ST3GAL3: variants seen among roughly 807,000 people sequenced by gnomAD.
ST3GAL3 encodes CMP-N-acetylneuraminate-beta-1,4-galactoside alpha-2,3-sialyltransferase.
A neutral mutation model predicts 50.1 loss-of-function variants in ST3GAL3; 21 were observed. That is an observed-to-expected ratio of 0.42 (90% CI 0.30 to 0.60). ST3GAL3 has a LOEUF of 0.60. ST3GAL3 is among the 20% of genes least tolerant of loss of function. ST3GAL3 has a pLI of 0.19. For synonymous variants in ST3GAL3, 183 were observed against 190.0 expected (o/e 0.96, Z 0.30); for missense variants, 353 against 489.4 (o/e 0.72, Z 2.63).
At chr1:43,892,661 GAAA>G (rs531252185) in intron 5 of ST3GAL3, among the ~76,000 whole-genome samples, 1 of 150,142 alleles carries the variant, frequency 6.7e-6, no homozygotes, top group Non-Finnish European at 1.5e-5. Flanking sequence ...GAGGAAAAGG[GAAA>G]AAAAAATGTC....
intron 2 of ST3GAL3, chr1:43,772,087 C>T (rs894917365): frequency 2.3e-5 from 9 of 395,392 alleles, no homozygotes; most frequent in South Asian, 1.3e-4. Context: ...ACAAGTTTCA[C>T]TCTTGTTGCT....
intron 5 of ST3GAL3, among the ~76,000 whole-genome samples, chr1:43,853,615 A>G (rs1330436481): frequency 1.3e-5 from 2 of 152,204 alleles, no homozygotes; most frequent in African/African-American, 4.8e-5. Context: ...GTGGTAGCTA[A>G]TGAGGTGCTG....
At chr1:43,881,535 C>T (rs1038795639) in intron 5 of ST3GAL3, among the ~76,000 whole-genome samples, 1 of 152,170 alleles carries the variant, frequency 6.6e-6, no homozygotes, top group African/African-American at 2.4e-5. Context: ...TCCTCCCCTA[C>T]GTTCCCCACT....
intron 9 of ST3GAL3, among the ~76,000 whole-genome samples, chr1:43,904,794 C>CCCT (rs2078904023): frequency 6.9e-6 from 1 of 144,844 alleles, no homozygotes; most frequent in Non-Finnish European, 1.5e-5. Context: ...CTCTTCCTCC[C>CCCT]CCTCCTCCTG....
chr1:43,898,446 AG>A, intron 7 of ST3GAL3, 148 bp downstream of exon 7: 2 of 820,604 alleles, frequency 2.4e-6, no homozygotes, highest in Admixed American at 3.9e-5. Context: ...TGGGTGGAGC[AG>A]GTAAGTGGAA....
intron 4 of ST3GAL3, among the ~76,000 whole-genome samples, chr1:43,823,789 C>CT (rs1305176375): frequency 6.6e-6 from 1 of 152,176 alleles, no homozygotes; most frequent in Admixed American, 6.5e-5. Context: ...GTGGACAACT[C>CT]TGTGAAGTAG....
At chr1:43,833,081 G>C (rs2063763185) in intron 4 of ST3GAL3, among the ~76,000 whole-genome samples, 1 of 152,166 alleles carries the variant, frequency 6.6e-6, no homozygotes, top group South Asian at 2.1e-4. Context: ...GGTAGGGGCT[G>C]ATCTGAGTCC....
At chr1:43,794,970 G>C (rs781392991) in intron 3 of ST3GAL3, among the ~76,000 whole-genome samples, 1 of 152,128 alleles carries the variant, frequency 6.6e-6, no homozygotes. Flanking sequence ...AAGGGGGTAT[G>C]TTGAGGGATG....
At chr1:43,776,979 A>G (rs891533937) in intron 2 of ST3GAL3, among the ~76,000 whole-genome samples, 4 of 152,198 alleles carry the variant, frequency 2.6e-5, no homozygotes, top group African/African-American at 9.7e-5. Flanking sequence ...CAGCCTATCA[A>G]GTTCATCTTT....
intron 5 of ST3GAL3, among the ~76,000 whole-genome samples, chr1:43,880,878 G>C (rs2074999916): frequency 6.6e-6 from 1 of 152,156 alleles, no homozygotes. Context: ...AACAGTGCCA[G>C]GAATGCAGTA....
intron 1 of ST3GAL3, among the ~76,000 whole-genome samples, chr1:43,714,266 CA>C (rs111607096): frequency 0.053 from 5,148 of 96,472 alleles, 105 homozygotes; most frequent in Middle Eastern, 0.1. Context: ...AACTCCATCT[CA>C]AAAAAAAAAA....
At chr1:43,851,338 G>T (rs527953624) in intron 5 of ST3GAL3, 86 of 1,543,316 alleles carry the variant, frequency 5.6e-5, no homozygotes, top group Non-Finnish European at 4.5e-6. Flanking sequence ...TGCACCCATG[G>T]GTTTCCACCA....
chr1:43,754,719 A>T (rs1339422604), intron 2 of ST3GAL3, among the ~76,000 whole-genome samples: 1 of 152,170 alleles, frequency 6.6e-6, no homozygotes, highest in Non-Finnish European at 1.5e-5. Context: ...CACTTCGGGA[A>T]GATGAGGCAG....
chr1:43,762,822 A>G (rs768279588), intron 2 of ST3GAL3, among the ~76,000 whole-genome samples: 22 of 152,170 alleles, frequency 1.4e-4, no homozygotes, highest in Non-Finnish European at 2.8e-4. Flanking sequence ...GAGAGGAGAT[A>G]GGATGAAAGG....
chr1:43,924,704 C>T (rs2083605943), intron 11 of ST3GAL3, among the ~76,000 whole-genome samples: 1 of 152,042 alleles, frequency 6.6e-6, no homozygotes, highest in Non-Finnish European at 1.5e-5. Context: ...ATGAGAGAGG[C>T]GATGAGCCAG....
intron 1 of ST3GAL3, among the ~76,000 whole-genome samples, chr1:43,714,987 A>G (rs1055912071): frequency 1.3e-5 from 2 of 152,218 alleles, no homozygotes; most frequent in Admixed American, 1.3e-4. Flanking sequence ...TCTATGTATC[A>G]TAAATTTCCT....
chr1:43,898,529 G>A (rs966959827), intron 7 of ST3GAL3: 26 of 610,302 alleles, frequency 4.3e-5, no homozygotes, highest in Non-Finnish European at 7.8e-5. Context: ...AGATACCAGA[G>A]GTTTGAGGGT....
chr1:43,797,540 A>T (rs1396629198), intron 3 of ST3GAL3, among the ~76,000 whole-genome samples: 1 of 152,212 alleles, frequency 6.6e-6, no homozygotes, highest in Non-Finnish European at 1.5e-5. Context: ...AAGAAAAAAA[A>T]CTGCATGGTC....
chr1:43,815,054 G>T, intron 4 of ST3GAL3, 121 bp downstream of exon 4: 1 of 999,310 alleles, frequency 1.0e-6, no homozygotes, highest in Non-Finnish European at 1.6e-6. Context: ...TGGGGCCTCT[G>T]TCCTCAGGCT....
Sources: allele counts gnomAD v4.1 joint callset (sites outside exome capture counted in the v4.1 genomes callset), GRCh38; gene constraint gnomAD v4.1.1; transcripts MANE v1.5; gene names NCBI Gene and HGNC (gene_info 2026-07-23, HGNC 2026-07-21).